TPD52L1: variants seen among roughly 807,000 people sequenced by gnomAD.
TPD52L1 encodes the protein tumor protein D53.
In TPD52L1, 18 loss-of-function variants were observed where a neutral mutation model predicts 28.7. That is an observed-to-expected ratio of 0.63 (90% CI 0.43 to 0.93). The LOEUF (loss-of-function observed/expected upper bound fraction) is 0.93. TPD52L1 is among the 40% of genes least tolerant of loss of function. The probability of loss-of-function intolerance (pLI) is 0.00; values close to 1 mark genes in which losing one functional copy is unlikely to be tolerated. For synonymous variants in TPD52L1, 75 were observed against 88.8 expected (o/e 0.84, Z 0.88); for missense variants, 203 against 254.8 (o/e 0.80, Z 1.39).
At chr6:125,252,885 T>C (rs1797363451) in intron 4 of TPD52L1, 4 of 152,244 alleles carry the variant, frequency 2.6e-5, no homozygotes, top group Admixed American at 2.6e-4. Context: ...GTGACAGATT[T>C]GGTCCCTGAA....
chr6:125,247,896 A>G (rs1271203582), intron 3 of TPD52L1, among the ~76,000 whole-genome samples: 1 of 152,144 alleles, frequency 6.6e-6, no homozygotes, highest in Non-Finnish European at 1.5e-5. Context: ...CAAAACCTAA[A>G]CCTGCATTCT....
At chr6:125,234,755 G>C (rs1397312123) in intron 3 of TPD52L1, among the ~76,000 whole-genome samples, 1 of 152,030 alleles carries the variant, frequency 6.6e-6, no homozygotes, top group African/African-American at 2.4e-5. Context: ...ACAATCTTAA[G>C]TATTAAAGAT....
At chr6:125,165,288 T>C (rs492129) in intron 1 of TPD52L1, among the ~76,000 whole-genome samples, 59,344 of 151,366 alleles carry the variant, frequency 0.39, 12,844 homozygotes, top group African/African-American at 0.58. Flanking sequence ...ATTTGAAATA[T>C]ATGCATTAAA....
intron 3 of TPD52L1, among the ~76,000 whole-genome samples, chr6:125,237,553 A>C (rs1413834257): frequency 2.0e-5 from 3 of 152,146 alleles, no homozygotes; most frequent in Non-Finnish European, 4.4e-5. Context: ...TGCACAGGAA[A>C]GTTTTTCTTG....
At chr6:125,258,143 C>T (rs772698556) in intron 6 of TPD52L1, among the ~76,000 whole-genome samples, 4 of 152,062 alleles carry the variant, frequency 2.6e-5, no homozygotes, top group Non-Finnish European at 5.9e-5. Flanking sequence ...TGGATTTTGA[C>T]CTGGAGAGTC....
intron 1 of TPD52L1, among the ~76,000 whole-genome samples, chr6:125,192,255 G>A (rs901177758): frequency 1.3e-5 from 2 of 152,044 alleles, no homozygotes; most frequent in African/African-American, 4.8e-5. Flanking sequence ...GCTGACCTGA[G>A]CAGAATAAAG....
At chr6:125,248,249 TATAAAAACC>T (rs1320734789) in intron 3 of TPD52L1, 24 bp from the exon 4 acceptor site, 2 of 1,532,640 alleles carry the variant, frequency 1.3e-6, no homozygotes, top group Admixed American at 3.4e-5. Context: ...GAGATCATGA[TATAAAAACC>T]ATGTTGTTCT....
chr6:125,191,391 G>A (rs902298743), intron 1 of TPD52L1, among the ~76,000 whole-genome samples: 1 of 152,076 alleles, frequency 6.6e-6, no homozygotes, highest in African/African-American at 2.4e-5. Flanking sequence ...GAGTCCAAAC[G>A]TTTTTTTCCA....
chr6:125,257,248 C>A, intron 6 of TPD52L1, 90 bp downstream of exon 6: 1 of 1,085,230 alleles, frequency 9.2e-7, no homozygotes, highest in Non-Finnish European at 1.4e-6. Context: ...GAGGCAGGGC[C>A]AAGAAGGCAG....
chr6:125,205,666 G>A (rs1794079494), intron 1 of TPD52L1, among the ~76,000 whole-genome samples: 1 of 152,130 alleles, frequency 6.6e-6, no homozygotes. Flanking sequence ...AGGACCATGT[G>A]GTACTTGGTT....
At chr6:125,165,465 C>A (rs1281022971) in intron 1 of TPD52L1, among the ~76,000 whole-genome samples, 1 of 152,028 alleles carries the variant, frequency 6.6e-6, no homozygotes, top group Non-Finnish European at 1.5e-5. Flanking sequence ...AGTGAAGTTC[C>A]CAGAATAAAA....
intron 1 of TPD52L1, among the ~76,000 whole-genome samples, chr6:125,166,834 G>A (rs575564657): frequency 2.0e-5 from 3 of 151,852 alleles, no homozygotes; most frequent in East Asian, 3.9e-4. Flanking sequence ...ATGACAGTTT[G>A]TGACAATGTC....
At chr6:125,244,579 T>C (rs751428884) in intron 3 of TPD52L1, among the ~76,000 whole-genome samples, 9 of 152,164 alleles carry the variant, frequency 5.9e-5, no homozygotes, top group Non-Finnish European at 1.3e-4. Context: ...TAGGGAAGAA[T>C]TGTGACTTTG....
At chr6:125,207,884 G>A (rs2114921046) in intron 1 of TPD52L1, among the ~76,000 whole-genome samples, 1 of 152,294 alleles carries the variant, frequency 6.6e-6, no homozygotes, top group African/African-American at 2.4e-5. Context: ...TATAGTGCTT[G>A]ATGCCACCTG....
chr6:125,219,524 T>C (rs1408667087), intron 1 of TPD52L1, among the ~76,000 whole-genome samples: 1 of 152,238 alleles, frequency 6.6e-6, no homozygotes, highest in African/African-American at 2.4e-5. Flanking sequence ...TGCAAGCTGC[T>C]TTCCCATGCA....
intron 3 of TPD52L1, among the ~76,000 whole-genome samples, chr6:125,242,156 T>A (rs1452001754): frequency 6.6e-6 from 1 of 152,056 alleles, no homozygotes; most frequent in Non-Finnish European, 1.5e-5. Flanking sequence ...GGAGTCAGGA[T>A]ACTTGATATG....
intron 5 of TPD52L1, 139 bp from the exon 6 acceptor site, chr6:125,256,959 C>A: frequency 4.8e-6 from 3 of 621,222 alleles, no homozygotes; most frequent in Non-Finnish European, 5.6e-6. Flanking sequence ...CATTTTAAAA[C>A]GTGGTTGGTG....
chr6:125,194,434 A>G (rs1793278914), intron 1 of TPD52L1, among the ~76,000 whole-genome samples: 1 of 152,112 alleles, frequency 6.6e-6, no homozygotes, highest in Non-Finnish European at 1.5e-5. Context: ...TCTGCTCAAA[A>G]ATCTGTGCTT....
chr6:125,216,377 A>G (rs1040882132), intron 1 of TPD52L1, among the ~76,000 whole-genome samples: 2 of 152,046 alleles, frequency 1.3e-5, no homozygotes, highest in Admixed American at 1.3e-4. Context: ...CCCAGCAAAC[A>G]GGGTAAATTA....
Sources: gnomAD v4.1 joint callset for allele counts (sites outside exome capture counted in the v4.1 genomes callset) on GRCh38, gnomAD v4.1.1 for gene constraint, MANE v1.5 for transcripts, NCBI Gene and HGNC (gene_info 2026-07-23, HGNC 2026-07-21) for gene names.